The following IGSF5 variants were observed in gnomAD, a reference collection of about 807,000 sequenced individuals.
The protein encoded by IGSF5 is immunoglobulin superfamily 5 like.
In IGSF5, 41 loss-of-function variants were observed where a neutral mutation model predicts 39.4. The observed-to-expected ratio is 1.04, with a 90% confidence interval of 0.81 to 1.35. The LOEUF (loss-of-function observed/expected upper bound fraction) is 1.35. IGSF5 is among the 40% of genes most tolerant of loss of function. IGSF5 has a pLI of 0.00. For missense variants in IGSF5, 487 were observed against 494.6 expected, an observed-to-expected ratio of 0.98 and a Z score of 0.15; for synonymous variants, 183 against 175.3, an observed-to-expected ratio of 1.04 and a Z score of -0.34.
chr21:39,741,089 G>GT (rs368054506), upstream of IGSF5, among the ~76,000 whole-genome samples: 239 of 147,678 alleles, frequency 1.6e-3, no homozygotes, highest in Admixed American at 2.0e-3. Context: ...AGCTATTCAT[G>GT]TTTTTTTTTT....
intron 8 of IGSF5, among the ~76,000 whole-genome samples, chr21:39,800,230 G>T (rs986011829): frequency 6.6e-6 from 1 of 152,082 alleles, no homozygotes; most frequent in Non-Finnish European, 1.5e-5. Flanking sequence ...TTTGTCCTGT[G>T]CCTTAACTCA....
the IGSF5 span, among the ~76,000 whole-genome samples, chr21:39,736,358 A>T: frequency 4.6e-5 from 7 of 152,386 alleles, no homozygotes; most frequent in African/African-American, 1.7e-4. Context: ...ATTTTAAAAT[A>T]GCATAGGCTA....
At chr21:39,714,601 G>GC in the IGSF5 span, among the ~76,000 whole-genome samples, 1 of 152,188 alleles carries the variant, frequency 6.6e-6, no homozygotes, top group Non-Finnish European at 1.5e-5. Context: ...TCTACTCCAG[G>GC]CTCTCCCACA....
rs199978079 is a variant in IGSF5 at position 39,771,079 on chromosome 21, C to T, written c.582C>T (p.Ser194=). 24 of 1,613,636 alleles carry T rather than the reference C, an allele frequency of 1.5e-5. No individual in the cohort carries two copies. Among genetic ancestry groups the T allele is most frequent in the East Asian group, 4.5e-5 (2 of 44,854 alleles). Residue 194 remains serine (S), a synonymous_variant, in exon 4 of 9, where the codon AGC becomes AGT. Transcript: ENST00000380588. ...GCTATTATTTTGTTCCGGAGCCCAG[C>T]GACCTTCAAAGTGCAGTGAGCATCC... is the stretch of plus-strand genomic sequence containing the variant. ...HSSYYFVPEP[S]DLQSAVSILA... is the part of the protein sequence containing the mutation.
chr21:39,793,433 AC>A, intron 7 of IGSF5, 100 bp from the exon 8 acceptor site: 1 of 838,966 alleles, frequency 1.2e-6, no homozygotes, highest in South Asian at 1.5e-5. Flanking sequence ...TGCCAGCGGT[AC>A]TACATAAAAG....
At chr21:39,725,567 C>T in the IGSF5 span, among the ~76,000 whole-genome samples, 3 of 152,240 alleles carry the variant, frequency 2.0e-5, no homozygotes, top group East Asian at 1.9e-4. Flanking sequence ...TCAGCAAATC[C>T]GAATGAAGAC....
At chr21:39,724,082 TAAAATAAAATAA>T in the IGSF5 span, among the ~76,000 whole-genome samples, 4 of 46,702 alleles carry the variant, frequency 8.6e-5, no homozygotes, top group East Asian at 7.0e-4. Context: ...TAAAATAAAA[TAAAATAAAATAA>T]AATAAAATAA....
chr21:39,765,259 C>G (rs2080080547), intron 2 of IGSF5, among the ~76,000 whole-genome samples: 1 of 152,172 alleles, frequency 6.6e-6, no homozygotes, highest in South Asian at 2.1e-4. Flanking sequence ...AGGTTCCATT[C>G]TGAGGATCCG....
At chr21:39,752,465 C>T (rs1402760135) in intron 2 of IGSF5, among the ~76,000 whole-genome samples, 1 of 152,170 alleles carries the variant, frequency 6.6e-6, no homozygotes, top group Non-Finnish European at 1.5e-5. Flanking sequence ...AATTGTGCTG[C>T]TATAAACATG....
At chr21:39,742,268 G>C (rs2079951661), upstream of IGSF5, among the ~76,000 whole-genome samples, 1 of 152,086 alleles carries the variant, frequency 6.6e-6, no homozygotes, top group Non-Finnish European at 1.5e-5. Context: ...GCATAATTAG[G>C]AAAGCATGTG....
At chr21:39,726,898 G>C in the IGSF5 span, among the ~76,000 whole-genome samples, 1 of 152,000 alleles carries the variant, frequency 6.6e-6, no homozygotes, top group African/African-American at 2.4e-5. Flanking sequence ...CCACTGCTTT[G>C]ACCACATATG....
chr21:39,722,776 T>C, the IGSF5 span, among the ~76,000 whole-genome samples: 2 of 152,186 alleles, frequency 1.3e-5, no homozygotes, highest in African/African-American at 4.8e-5. Context: ...TTACATATAT[T>C]TATCTATTCA....
the IGSF5 span, among the ~76,000 whole-genome samples, chr21:39,714,105 G>A: frequency 1.3e-5 from 2 of 152,224 alleles, no homozygotes; most frequent in Admixed American, 1.3e-4. Flanking sequence ...CCTCTCTGCT[G>A]ATAAAGAGGA....
At chr21:39,734,475 C>T in the IGSF5 span, among the ~76,000 whole-genome samples, 2 of 148,056 alleles carry the variant, frequency 1.4e-5, no homozygotes, top group Non-Finnish European at 3.0e-5. Flanking sequence ...CACACACACA[C>T]TCATTACTCA....
At chr21:39,712,222 G>A in the IGSF5 span, among the ~76,000 whole-genome samples, 1 of 152,190 alleles carries the variant, frequency 6.6e-6, no homozygotes, top group African/African-American at 2.4e-5. Context: ...TCAAAGGGTA[G>A]CTTCTTTGAG....
In IGSF5 at chr21:39,765,648, G is replaced by C. The variant is rs1313957888; in HGVS notation, c.214G>C (p.Ala72Pro). Residue 72 changes from alanine (A) to proline (P), a missense_variant, in exon 3 of 9, where the codon GCT becomes CCT. Physicochemically the swap from Ala to Pro is conservative, Grantham distance 27. Transcript: ENST00000380588. ...CCAGGGCTGGAAGCTCATCATGTGG[G>C]CTCTCAGTGACATGGTGGTGCTAAG... The part of the protein sequence containing the change: ...VSQGWKLIMW[A>P]LSDMVVLSVR... The C allele has an allele frequency of 1.9e-6, 3 of 1,614,120 alleles. No homozygotes were observed. Among genetic ancestry groups the C allele is most frequent in the Non-Finnish European group, 2.5e-6 (3 of 1,180,024 alleles).
At chr21:39,797,414 T>C (rs2087002442) in intron 8 of IGSF5, among the ~76,000 whole-genome samples, 1 of 152,146 alleles carries the variant, frequency 6.6e-6, no homozygotes, top group Non-Finnish European at 1.5e-5. Flanking sequence ...AGACAGCATT[T>C]CACCATGTTG....
chr21:39,767,950 T>C (rs549626281), intron 3 of IGSF5, among the ~76,000 whole-genome samples: 1 of 152,324 alleles, frequency 6.6e-6, no homozygotes, highest in African/African-American at 2.4e-5. Context: ...AAACACAGGA[T>C]CACAGGCATG....
intron 5 of IGSF5, among the ~76,000 whole-genome samples, chr21:39,782,710 A>G (rs1294468144): frequency 1.3e-5 from 2 of 152,208 alleles, no homozygotes; most frequent in African/African-American, 2.4e-5. Flanking sequence ...TCAAACATTT[A>G]TCATTTCTTT....
Sources: allele counts gnomAD v4.1 joint callset (sites outside exome capture counted in the v4.1 genomes callset), GRCh38; gene constraint gnomAD v4.1.1; transcripts MANE v1.5; gene names NCBI Gene and HGNC (gene_info 2026-07-23, HGNC 2026-07-21).